The following RETREG1 variants were observed in gnomAD, a reference collection of about 807,000 sequenced individuals.
RETREG1 encodes the protein family with sequence similarity 134 member B.
A neutral mutation model predicts 54.8 loss-of-function variants in RETREG1; 44 were observed. The observed-to-expected ratio is 0.80, with a 90% CI of 0.63 to 1.03. The LOEUF is 1.03. Ranked by LOEUF, RETREG1 falls within the 50% of genes least tolerant of loss-of-function variation. The pLI is 0.00. For missense variants in RETREG1, 554 were observed against 605.1 expected (o/e 0.92, Z 0.89); for synonymous variants, 217 against 238.5 (o/e 0.91, Z 0.83).
At chr5:16,509,887 G>C (rs1182491191) in intron 3 of RETREG1, among the ~76,000 whole-genome samples, 1 of 152,144 alleles carries the variant, frequency 6.6e-6, no homozygotes, top group African/African-American at 2.4e-5. Context: ...CCAGAAACTT[G>C]GGAGGCTGGA....
chr5:16,529,065 T>G (rs1263089762), intron 3 of RETREG1, among the ~76,000 whole-genome samples: 1 of 152,238 alleles, frequency 6.6e-6, no homozygotes, highest in Non-Finnish European at 1.5e-5. Context: ...ATCTCTATGA[T>G]TCTCACTTTA....
intron 3 of RETREG1, among the ~76,000 whole-genome samples, chr5:16,528,964 T>C (rs956325935): frequency 6.6e-6 from 1 of 152,108 alleles, no homozygotes; most frequent in African/African-American, 2.4e-5. Flanking sequence ...ACCATACAAG[T>C]TATAAAAGAA....
intron 2 of RETREG1, 65 bp downstream of exon 2, chr5:16,571,931 C>T: frequency 6.4e-6 from 8 of 1,255,936 alleles, no homozygotes; most frequent in Non-Finnish European, 9.3e-6. Flanking sequence ...TATGCCTACA[C>T]AAAGATCAGA....
chr5:16,531,485 A>C (rs146363024), intron 3 of RETREG1, among the ~76,000 whole-genome samples: 41 of 152,314 alleles, frequency 2.7e-4, no homozygotes, highest in African/African-American at 9.9e-4. Context: ...CTGGCGGAGA[A>C]CACAGATAAA....
intron 7 of RETREG1, 78 bp downstream of exon 7, chr5:16,477,956 G>T: frequency 1.5e-6 from 2 of 1,345,108 alleles, no homozygotes; most frequent in East Asian, 2.4e-5. Flanking sequence ...TTATTAGGAA[G>T]ATCATTCAGC....
At chr5:16,570,712 T>C (rs989458466) in intron 2 of RETREG1, among the ~76,000 whole-genome samples, 4 of 152,174 alleles carry the variant, frequency 2.6e-5, no homozygotes, top group African/African-American at 4.8e-5. Flanking sequence ...AGACCAACTC[T>C]GGCATGAAAC....
intron 3 of RETREG1, among the ~76,000 whole-genome samples, chr5:16,514,956 G>GTA (rs960386138): frequency 4.1e-5 from 6 of 146,932 alleles, no homozygotes; most frequent in African/African-American, 7.4e-5. Context: ...TTATATATGT[G>GTA]TATATATATT....
intron 1 of RETREG1, among the ~76,000 whole-genome samples, chr5:16,577,987 T>C (rs1266459647): frequency 1.3e-5 from 2 of 152,224 alleles, no homozygotes; most frequent in Non-Finnish European, 2.9e-5. Flanking sequence ...ATCAGCAGCG[T>C]GAAAACAGAC....
At chr5:16,604,229 G>A (rs916816058) in intron 1 of RETREG1, among the ~76,000 whole-genome samples, 3 of 152,204 alleles carry the variant, frequency 2.0e-5, no homozygotes, top group African/African-American at 4.8e-5. Context: ...TTATTGGGGC[G>A]GGGTGGGGAG....
In RETREG1 at chr5:16,491,142, A is replaced by G. The variant is rs936149649; in HGVS notation, c.459-7670T>C. Among the ~76,000 whole-genome samples, 6 of 152,276 alleles carry G rather than the reference A, an allele frequency of 3.9e-5. No homozygotes were observed. In the South Asian group the frequency reaches 1.0e-3, roughly 26 times the overall value. On this transcript the variant is annotated intron_variant, in intron 3 of 8. Transcript: ENST00000306320. ...TAAGCACTCTGCCCGCACTGTCCCAATGTCCTCCACATGATCCCCCTAGGA... is the reference window on the plus strand; with the variant it reads ...TAAGCACTCTGCCCGCACTGTCCCAGTGTCCTCCACATGATCCCCCTAGGA...
chr5:16,492,888 A>G (rs768866369), intron 3 of RETREG1, among the ~76,000 whole-genome samples: 1 of 152,254 alleles, frequency 6.6e-6, no homozygotes, highest in African/African-American at 2.4e-5. Context: ...GATTAAAAAG[A>G]GTAAACACAA....
intron 2 of RETREG1, among the ~76,000 whole-genome samples, chr5:16,569,185 G>A (rs1299551804): frequency 6.6e-6 from 1 of 152,014 alleles, no homozygotes; most frequent in South Asian, 2.1e-4. Flanking sequence ...ATGGGCCTTT[G>A]TCCTAAGAGA....
In RETREG1 at chr5:16,511,048, C is replaced by T. The variant is rs1340587228; in HGVS notation, c.459-27576G>A. Among the ~76,000 whole-genome samples, 3 of 152,060 alleles carry T rather than the reference C, an allele frequency of 2.0e-5. No individual in the cohort carries two copies. The East Asian group carries it at 5.8e-4, about 29-fold the overall frequency. On this transcript the variant is annotated intron_variant, in intron 3 of 8. Coordinates refer to ENST00000306320, the MANE Select transcript of RETREG1 (RefSeq NM_001034850.3). Reference sequence around the variant, plus strand: ...CCTCTTAATTGTAAAGGATGATGAACTGATTTAGTGCTATAACAGATGAAT... The same window carrying T: ...CCTCTTAATTGTAAAGGATGATGAATTGATTTAGTGCTATAACAGATGAAT...
At chr5:16,475,327 C>T in intron 8 of RETREG1, 93 bp from the exon 9 acceptor site, 1 of 1,434,802 alleles carries the variant, frequency 7.0e-7, no homozygotes, top group Non-Finnish European at 9.5e-7. Flanking sequence ...AATCTGAACC[C>T]TCTGGCAACC....
chr5:16,555,515 T>C lies in RETREG1; in HGVS notation c.458+10248A>G, dbSNP rs940904585. Among the ~76,000 whole-genome samples the C allele has an allele frequency of 4.6e-5, 7 of 152,274 alleles. No individual in the cohort carries two copies. The East Asian group carries it at 9.6e-4, about 21-fold the overall frequency. The stretch of plus-strand genomic sequence containing the variant: ...ATGGTCTGACAATAAAGGTACTCAA[T>C]AAATTTCTGTTGAAAGGATGGACGA... On this transcript the variant is annotated intron_variant, in intron 3 of 8. Transcript: ENST00000306320.
At chr5:16,498,748 T>A (rs1173801388) in intron 3 of RETREG1, among the ~76,000 whole-genome samples, 1 of 152,224 alleles carries the variant, frequency 6.6e-6, no homozygotes, top group Non-Finnish European at 1.5e-5. Flanking sequence ...CCATATAGTG[T>A]ACTTACCCTG....
chr5:16,473,523 C>G lies in RETREG1; in HGVS notation c.*1218G>C, dbSNP rs1241429907. On this transcript the variant is annotated 3_prime_UTR_variant, in exon 9 of 9. Coordinates refer to ENST00000306320, the MANE Select transcript of RETREG1 (RefSeq NM_001034850.3). ...CTCTATGCATCTGCCAAAATGCCAG[C>G]TGTACCTGAAGATTTAAGAGATTTT... is the stretch of plus-strand genomic sequence containing the variant. 1 of 152,550 alleles carries G rather than the reference C, an allele frequency of 6.6e-6. No individual in the cohort carries two copies. The highest frequency in any genetic ancestry group is 2.4e-5 in the African/African-American group (1 of 41,434). The allele number at this position is 152,550 out of a possible 1,614,324, so 9.4% of individuals were successfully genotyped here. A position where few individuals can be genotyped will look rare whatever the true frequency, so the allele number is the denominator to read the frequency against.
At chr5:16,602,496 C>CT (rs1743078535) in intron 1 of RETREG1, among the ~76,000 whole-genome samples, 1 of 152,122 alleles carries the variant, frequency 6.6e-6, no homozygotes, top group African/African-American at 2.4e-5. Flanking sequence ...GCTGAGAACT[C>CT]TGAGAGTAAC....
chr5:16,528,001 G>A (rs1740776935), intron 3 of RETREG1, among the ~76,000 whole-genome samples: 1 of 151,642 alleles, frequency 6.6e-6, no homozygotes, highest in African/African-American at 2.4e-5. Flanking sequence ...AGTACAGACG[G>A]GGTTTCACCG....
Sources: gnomAD v4.1 joint callset for allele counts (sites outside exome capture counted in the v4.1 genomes callset) on GRCh38, gnomAD v4.1.1 for gene constraint, MANE v1.5 for transcripts, NCBI Gene and HGNC (gene_info 2026-07-23, HGNC 2026-07-21) for gene names.